The following SNRNP70 variants were observed in gnomAD, a reference collection of about 807,000 sequenced individuals.
SNRNP70 encodes small nuclear ribonucleoprotein U1 subunit 70.
A neutral mutation model predicts 50.5 loss-of-function variants in SNRNP70; 8 were observed. The ratio of observed to expected loss-of-function variants is 0.16; its 90% CI spans 0.09 to 0.29. The LOEUF (loss-of-function observed/expected upper bound fraction) is 0.29, where lower values mean the gene tolerates loss of function less well. Ranked by LOEUF, SNRNP70 falls within the 10% of genes least tolerant of loss-of-function variation. SNRNP70 has a pLI of 1.00. For synonymous variants in SNRNP70, 320 were observed against 252.9 expected, an observed-to-expected ratio of 1.27 and a Z score of -2.52; for missense variants, 529 against 663.5, an observed-to-expected ratio of 0.80 and a Z score of 2.23.
intron 7 of SNRNP70, chr19:49,103,869 CG>C (rs2122389003): frequency 6.6e-6 from 1 of 152,098 alleles, no homozygotes; most frequent in African/African-American, 2.4e-5. Flanking sequence ...GCTCCCAGCA[CG>C]TGTTGAGCCG....
At chr19:49,090,607 C>T in intron 4 of SNRNP70, 87 bp downstream of exon 4, 1 of 1,262,772 alleles carries the variant, frequency 7.9e-7, no homozygotes, top group Non-Finnish European at 1.2e-6. Context: ...TGCTGTCTCC[C>T]TAAGGCCTGT....
Position 49,108,332 on chromosome 19 carries a change from C to T in SNRNP70, c.1203C>T (p.Asn401=), listed in dbSNP as rs747857581. 4.4e-6 allele frequency: 7 copies of T among 1,602,006 alleles called. No individual in the cohort carries two copies. In the Admixed American group the frequency reaches 5.1e-5, roughly 12 times the overall value. Residue 401 remains asparagine (N), a synonymous_variant, in exon 10 of 10, where the codon AAC becomes AAT. Transcript: ENST00000598441. The part of the protein sequence containing the change: ...EARGGGGGQD[N]GLEGLGNDSR... Reference sequence around the variant, plus strand: ...GAGGTGGGGGCGGTGGCCAGGACAACGGGCTGGAGGGTCTGGGCAACGACA... The same window carrying T: ...GAGGTGGGGGCGGTGGCCAGGACAATGGGCTGGAGGGTCTGGGCAACGACA...
rs999110964 is a variant in SNRNP70 at position 49,104,397 on chromosome 19, T to A, written c.476-237T>A. On this transcript the variant is annotated intron_variant, in intron 7 of 9. Coordinates refer to ENST00000598441, the MANE Select transcript of SNRNP70 (RefSeq NM_003089.6). This position sits in a 1 kb window ranked among gnomAD's most constrained non-coding sequence, Gnocchi z 5.4. The stretch of plus-strand genomic sequence containing the variant: ...AGGGGGTGGCGGGTGAGGGTGGACG[T>A]CTCCCCCGACCAGGAGTGGTTGGGG... 1 of 498,872 alleles carries A rather than the reference T, an allele frequency of 2.0e-6. No individual in the cohort carries two copies. The highest frequency in any genetic ancestry group is 2.0e-5 in the African/African-American group (1 of 50,252). The allele number at this position is 498,872 out of a possible 1,614,324, so 30.9% of individuals were successfully genotyped here.
chr19:49,087,875 C>T (rs1368042452), intron 2 of SNRNP70: 2 of 152,176 alleles, frequency 1.3e-5, no homozygotes, highest in African/African-American at 4.8e-5. Context: ...GGTAGGTGCC[C>T]TTTGATGATG....
At chr19:49,106,788 TCATC>T (rs1239476666) in intron 8 of SNRNP70, among the ~76,000 whole-genome samples, 2 of 152,152 alleles carry the variant, frequency 1.3e-5, no homozygotes, top group African/African-American at 4.8e-5. Flanking sequence ...TTGGGGCTGT[TCATC>T]TATCTATTCA....
rs200763700 is a variant in SNRNP70 at position 49,090,427 on chromosome 19, A to G, written c.211-39A>G. On this transcript the variant is annotated intron_variant, in intron 3 of 9. Coordinates refer to ENST00000598441, the MANE Select transcript of SNRNP70 (RefSeq NM_003089.6). Reference sequence around the variant, plus strand: ...TGATCCTTGACACTAGGGCACTTCTATCTGCATTCACTTCTCCACCTCCCC... The same window carrying G: ...TGATCCTTGACACTAGGGCACTTCTGTCTGCATTCACTTCTCCACCTCCCC... 45 of 1,613,668 alleles carry G rather than the reference A, an allele frequency of 2.8e-5. No homozygotes were observed. The East Asian group carries it at 4.0e-4, about 14-fold the overall frequency.
chr19:49,087,177 CAAA>C (rs11398967), intron 2 of SNRNP70, among the ~76,000 whole-genome samples: 1 of 100,638 alleles, frequency 9.9e-6, no homozygotes, highest in Admixed American at 1.2e-4. Context: ...AAGACTGTCT[CAAA>C]AAAAAAAAAA....
In SNRNP70 at chr19:49,098,609, C is replaced by G. The variant is rs1349425572; in HGVS notation, c.331-33C>G. 3 of 1,601,616 alleles carry G rather than the reference C, an allele frequency of 1.9e-6. No individual in the cohort carries two copies. The Admixed American group carries it at 5.0e-5, about 27-fold the overall frequency. On this transcript the variant is annotated intron_variant, in intron 5 of 9. Coordinates refer to ENST00000598441, the MANE Select transcript of SNRNP70 (RefSeq NM_003089.6). ...CCAGGGGCTGTGGGACAGCTCTGTT[C>G]TCCCATTTAACGTCATATCCATCTC...
intron 1 of SNRNP70, 32 bp from the exon 2 acceptor site, chr19:49,086,373 C>T: frequency 6.3e-7 from 1 of 1,595,964 alleles, no homozygotes; most frequent in Non-Finnish European, 8.5e-7. Context: ...CAGACCCGAT[C>T]TAACCTAAGG....
chr19:49,102,607 A>G (rs2040603823), intron 7 of SNRNP70: 1 of 167,836 alleles, frequency 6.0e-6, no homozygotes, highest in Non-Finnish European at 1.3e-5. Flanking sequence ...TTTGGCTGCT[A>G]GTTTTGGGGT....
At chr19:49,095,536 C>CTT (rs751326005) in intron 4 of SNRNP70, among the ~76,000 whole-genome samples, 56 of 137,508 alleles carry the variant, frequency 4.1e-4, no homozygotes, top group African/African-American at 1.0e-3. Flanking sequence ...GGGTAGACAC[C>CTT]TTTTTTTTTT....
chr19:49,101,565 C>T, intron 7 of SNRNP70, 94 bp downstream of exon 7: 1 of 792,182 alleles, frequency 1.3e-6, no homozygotes, highest in Admixed American at 1.9e-5. Flanking sequence ...CACCCTGCCA[C>T]ACCTGACATT....
chr19:49,104,343 CAT>C lies in SNRNP70; in HGVS notation c.476-290_476-289del, dbSNP rs1389962903. 1.1e-5 allele frequency: 4 copies of C among 378,078 alleles called. No individual in the cohort carries two copies. The highest frequency in any genetic ancestry group is 9.2e-5 in the Admixed American group (2 of 21,752). The allele number at this position is 378,078 out of a possible 1,614,324, so 23.4% of individuals were successfully genotyped here. A position where few individuals can be genotyped will look rare whatever the true frequency, so the allele number is the denominator to read the frequency against. On this transcript the variant is annotated intron_variant, in intron 7 of 9. Coordinates refer to ENST00000598441, the MANE Select transcript of SNRNP70 (RefSeq NM_003089.6). This position sits in a 1 kb window ranked among gnomAD's most constrained non-coding sequence, Gnocchi z 5.4. Reference sequence around the variant, plus strand: ...CCCTGGCGGGAGGGGGCTGTTCCATCATGTGGGAGAGGAAGGGCCGGGGAGCC... The same window carrying C: ...CCCTGGCGGGAGGGGGCTGTTCCATCGTGGGAGAGGAAGGGCCGGGGAGCC...
intron 4 of SNRNP70, among the ~76,000 whole-genome samples, chr19:49,091,474 A>G (rs1872615458): frequency 1.3e-5 from 2 of 152,046 alleles, no homozygotes; most frequent in Non-Finnish European, 2.9e-5. Context: ...TTGCTGTAGT[A>G]TTTGGTGTAG....
At position 49,107,519 on chromosome 19, in the gene SNRNP70, G is replaced by C. The variant is rs2040688071; in HGVS notation, c.578-106G>C. On this transcript the variant is annotated intron_variant, in intron 8 of 9. Transcript: ENST00000598441. The surrounding 1 kb of genome is among the most constrained non-coding windows in gnomAD (Gnocchi z 6.0). ...GGGGACCCGGCCCTGTGAACACTAA[G>C]CCAGGGGCTGCCTTCCTGCCCTTTG... 1 of 1,075,978 alleles carries C rather than the reference G, an allele frequency of 9.3e-7. No individual in the cohort carries two copies. The highest frequency in any genetic ancestry group is 1.6e-5 in the African/African-American group (1 of 64,068). The allele number at this position is 1,075,978 out of a possible 1,614,324, so 66.7% of individuals were successfully genotyped here.
intron 4 of SNRNP70, among the ~76,000 whole-genome samples, chr19:49,096,796 T>C (rs909635116): frequency 6.6e-6 from 1 of 151,868 alleles, no homozygotes; most frequent in African/African-American, 2.4e-5. Flanking sequence ...CTTAAAGTCA[T>C]CTTGACCTTA....
At chr19:49,099,342 TAAG>T (rs1464217868) in intron 6 of SNRNP70, among the ~76,000 whole-genome samples, 3 of 152,060 alleles carry the variant, frequency 2.0e-5, no homozygotes, top group Non-Finnish European at 4.4e-5. Flanking sequence ...TCTCAGCTCT[TAAG>T]GAGGCAGAGG....
intron 2 of SNRNP70, among the ~76,000 whole-genome samples, chr19:49,087,336 TTATCTTTAGCAAGGGGATAGTGG>T (rs2122301146): frequency 6.6e-6 from 1 of 152,282 alleles, no homozygotes; most frequent in East Asian, 1.9e-4. Context: ...ATTGGTTTCT[TTATCTTTAGCAAGGGGATAGTGG>T]TAGCACCCTT....
At chr19:49,085,816 C>T (rs1247675946) in intron 1 of SNRNP70, among the ~76,000 whole-genome samples, 180 bp downstream of exon 1, 1 of 152,234 alleles carries the variant, frequency 6.6e-6, no homozygotes, top group Non-Finnish European at 1.5e-5. Context: ...CTTCCCACAG[C>T]GCCCTCGTGG....
Sources: gnomAD v4.1 joint callset for allele counts (sites outside exome capture counted in the v4.1 genomes callset) on GRCh38, gnomAD v4.1.1 for gene constraint, Gnocchi (gnomAD v3.1) non-coding constraint, MANE v1.5 for transcripts, NCBI Gene and HGNC (gene_info 2026-07-23, HGNC 2026-07-21) for gene names.